The following SIGLEC9 variants were observed in gnomAD, a reference collection of about 807,000 sequenced individuals.
SIGLEC9 encodes sialic acid binding Ig like lectin 9, also known as sialic acid-binding Ig-like lectin 9.
SIGLEC9 carries 26 observed loss-of-function variants against 38.3 expected under a neutral mutation model. The observed-to-expected ratio is 0.68, with a 90% CI of 0.50 to 0.94. SIGLEC9 has a LOEUF of 0.94. Ranked by LOEUF, SIGLEC9 falls within the 40% of genes least tolerant of loss-of-function variation. The pLI is 0.00. For missense variants in SIGLEC9, 556 were observed against 585.7 expected, an observed-to-expected ratio of 0.95 and a Z score of 0.52; for synonymous variants, 236 against 248.0, an observed-to-expected ratio of 0.95 and a Z score of 0.45.
upstream of SIGLEC9, among the ~76,000 whole-genome samples, chr19:51,122,303 C>T (rs2091951712): frequency 6.6e-6 from 1 of 152,110 alleles, no homozygotes; most frequent in African/African-American, 2.4e-5. The surrounding 1 kb of genome is among the most constrained non-coding windows in gnomAD (Gnocchi z 4.1). Flanking sequence ...ATGAGCCGGG[C>T]CAGGCTTGGT....
At chr19:51,123,795 T>C (rs1013917454), upstream of SIGLEC9, among the ~76,000 whole-genome samples, 11 of 152,310 alleles carry the variant, frequency 7.2e-5, no homozygotes, top group African/African-American at 2.6e-4. Flanking sequence ...CCAAAAATAT[T>C]TCTAGAAAAC....
At chr19:51,132,261 A>T (rs2092020325), downstream of SIGLEC9, among the ~76,000 whole-genome samples, 2 of 152,172 alleles carry the variant, frequency 1.3e-5, no homozygotes, top group South Asian at 4.1e-4. Context: ...CCTCACCAGA[A>T]GCAAAGGCTG....
chr19:51,134,372 T>G (rs1426827445), downstream of SIGLEC9, among the ~76,000 whole-genome samples: 2 of 152,032 alleles, frequency 1.3e-5, no homozygotes, highest in Non-Finnish European at 2.9e-5. Context: ...TTGGCCAGGA[T>G]GGTCTTGATC....
At chr19:51,128,816 G>A (rs1354418844) in intron 6 of SIGLEC9, 2 of 298,728 alleles carry the variant, frequency 6.7e-6, no homozygotes, top group African/African-American at 4.5e-5. Context: ...TCATCGTCCA[G>A]TTCCTCTGCA....
At position 51,128,404 on chromosome 19, in the gene SIGLEC9, CTTCACTCAGAG is replaced by C. The variant is rs2091992702; in HGVS notation, c.1107-8_1109del. The stretch of plus-strand genomic sequence containing the variant: ...ACCACACTGAAAGGCTCTCTGGTCT[CTTCACTCAGAG>C]TGAGGTCCTGCAGGAAGAAATCGGC... On this transcript the variant is annotated splice_acceptor_variant and splice_polypyrimidine_tract_variant and coding_sequence_variant and intron_variant, in exon 6 of 7. Transcript: ENST00000250360. LOFTEE classifies it high-confidence loss of function. The C allele has an allele frequency of 1.9e-6, 3 of 1,613,758 alleles. No individual in the cohort carries two copies. The highest frequency in any genetic ancestry group is 1.7e-4 in the Middle Eastern group (1 of 6,040).
chr19:51,132,833 T>A (rs1432067564), downstream of SIGLEC9, among the ~76,000 whole-genome samples: 1 of 152,078 alleles, frequency 6.6e-6, no homozygotes, highest in Non-Finnish European at 1.5e-5. Context: ...TTTGAGAGAC[T>A]TAAGGAAGGC....
chr19:51,124,916 A>C lies in SIGLEC9; in HGVS notation c.-59A>C. ...CTAAGTCTTGAGCCCGCAGTTCCTG[A>C]GAGAAGAACCCTGAGGAACAGACGT... On this transcript the variant is annotated 5_prime_UTR_variant, in exon 1 of 7. Transcript: ENST00000250360. 1 of 1,550,190 alleles carries C rather than the reference A, an allele frequency of 6.5e-7. No homozygotes were observed. The highest frequency in any genetic ancestry group is 1.2e-5 in the South Asian group (1 of 80,294).
At chr19:51,128,120 T>G in intron 5 of SIGLEC9, 81 bp downstream of exon 5, 3 of 1,146,566 alleles carry the variant, frequency 2.6e-6, no homozygotes, top group Non-Finnish European at 3.9e-6. Flanking sequence ...AAGCCAGAGC[T>G]GGAGGGACCT....
At position 51,127,136 on chromosome 19, in the gene SIGLEC9, G is replaced by A. The variant is rs756677195; in HGVS notation, c.855G>A (p.Leu285=). ...TTGACAGCAATCCCCCTGCCAGGCT[G>A]AGCCTGAGCTGGAGAGGCCTGACCC... ...DAVDSNPPAR[L]SLSWRGLTLC... Residue 285 remains leucine (L), a synonymous_variant, in exon 4 of 7, where the codon CTG becomes CTA. Coordinates refer to ENST00000250360, the MANE Select transcript of SIGLEC9 (RefSeq NM_014441.3). 9 of 1,613,958 alleles carry A rather than the reference G, an allele frequency of 5.6e-6. No individual in the cohort carries two copies. The East Asian group carries it at 6.7e-5, about 12-fold the overall frequency.
exon 7 of SIGLEC9, chr19:51,136,045 T>A (rs1568616032): frequency 2.8e-6 from 2 of 703,824 alleles, no homozygotes; most frequent in Non-Finnish European, 5.2e-6. Flanking sequence ...TTTGTTGCCA[T>A]CCAGATTCTG....
chr19:51,130,295 GAC>G lies in SIGLEC9; in HGVS notation c.*218_*219del. ...CTCCCTTTTATTTTTTTAACTAAAA[GAC>G]AGACAAATTCCTACCTCTCTGTACC... On this transcript the variant is annotated 3_prime_UTR_variant, in exon 7 of 7. Transcript: ENST00000250360. 6 of 946,012 alleles carry G rather than the reference GAC, an allele frequency of 6.3e-6. No homozygotes were observed. Among genetic ancestry groups the G allele is most frequent in the Non-Finnish European group, 5.6e-6 (4 of 711,894 alleles). The allele number at this position is 946,012 out of a possible 1,614,324, so 58.6% of individuals were successfully genotyped here. A position where few individuals can be genotyped will look rare whatever the true frequency, so the allele number is the denominator to read the frequency against.
downstream of SIGLEC9, among the ~76,000 whole-genome samples, chr19:51,133,700 ATAAACC>A (rs1387803416): frequency 6.6e-6 from 1 of 152,240 alleles, no homozygotes; most frequent in Non-Finnish European, 1.5e-5. Flanking sequence ...GAAGCGAATC[ATAAACC>A]TAAAAGTAAA....
intron 4 of SIGLEC9, 48 bp from the exon 5 acceptor site, chr19:51,127,901 C>T: frequency 3.4e-6 from 4 of 1,174,234 alleles, no homozygotes; most frequent in Non-Finnish European, 5.1e-6. Context: ...GGAGAAGAGA[C>T]CCAATTCTCT....
upstream of SIGLEC9, chr19:51,120,804 C>A (rs2091948811): frequency 6.4e-6 from 1 of 157,194 alleles, no homozygotes. This position sits in a 1 kb window ranked among gnomAD's most constrained non-coding sequence, Gnocchi z 4.1. Flanking sequence ...GCCCTGAGAA[C>A]AATGGGTGTC....
chr19:51,132,857 G>A (rs1489704799), downstream of SIGLEC9, among the ~76,000 whole-genome samples: 1 of 152,080 alleles, frequency 6.6e-6, no homozygotes, highest in Non-Finnish European at 1.5e-5. Context: ...AATGAAGGAA[G>A]AAATATATCA....
At chr19:51,134,892 G>C (rs1480907060), downstream of SIGLEC9, among the ~76,000 whole-genome samples, 1 of 152,152 alleles carries the variant, frequency 6.6e-6, no homozygotes, top group Non-Finnish European at 1.5e-5. Flanking sequence ...TACTTTCCTG[G>C]ATGCTAGGAC....
In SIGLEC9 at chr19:51,125,620, C is replaced by T. The variant is rs1209498631; in HGVS notation, c.445C>T (p.Leu149Phe). The change falls in exon 2 of 7, where the codon CTC becomes TTC. Residue 149 changes from leucine (L) to phenylalanine (F), a missense_variant. By Grantham distance (22) the Leu-to-Phe change is conservative. Transcript: ENST00000250360. ...VTALTHRPNILIPGTLESGCP... is the reference protein window; with the variant it reads ...VTALTHRPNIFIPGTLESGCP... ...AGCCTTGACCCACAGGCCCAACATCCTCATCCCAGGCACCCTGGAGTCCGG... is the reference window on the plus strand; with the variant it reads ...AGCCTTGACCCACAGGCCCAACATCTTCATCCCAGGCACCCTGGAGTCCGG... The T allele has an allele frequency of 1.2e-6, 2 of 1,611,934 alleles. No homozygotes were observed. The highest frequency in any genetic ancestry group is 1.7e-6 in the Non-Finnish European group (2 of 1,179,994).
chr19:51,121,224 C>T (rs115895959), upstream of SIGLEC9, among the ~76,000 whole-genome samples: 3,276 of 152,162 alleles, frequency 0.022, 116 homozygotes, highest in African/African-American at 0.075. Flanking sequence ...GACATGATCT[C>T]GGCTCACTGT....
chr19:51,130,792 C>T (rs557053975), downstream of SIGLEC9, among the ~76,000 whole-genome samples: 6 of 152,320 alleles, frequency 3.9e-5, no homozygotes, highest in South Asian at 1.0e-3. Context: ...ACATCACTCT[C>T]CCACTTCAGT....
Sources: allele counts gnomAD v4.1 joint callset (sites outside exome capture counted in the v4.1 genomes callset), GRCh38; gene constraint gnomAD v4.1.1; non-coding constraint Gnocchi (gnomAD v3.1); transcripts MANE v1.5; gene names NCBI Gene and HGNC (gene_info 2026-07-23, HGNC 2026-07-21).